The following GRM7 variants were observed in gnomAD, a reference collection of about 807,000 sequenced individuals.
GRM7 encodes the protein metabotropic glutamate receptor 7.
In GRM7, 35 loss-of-function variants were observed where a neutral mutation model predicts 84.5. The ratio of observed to expected loss-of-function variants is 0.41; its 90% CI spans 0.32 to 0.55. GRM7 has a LOEUF of 0.55. GRM7 is among the 20% of genes least tolerant of loss of function. The pLI is 0.19. For synonymous variants in GRM7, 487 were observed against 455.1 expected (o/e 1.07, Z -0.89); for missense variants, 1,003 against 1,194.6 (o/e 0.84, Z 2.36).
chr3:7,469,973 A>ACTTAT (rs1261216147), intron 7 of GRM7, among the ~76,000 whole-genome samples: 3 of 152,124 alleles, frequency 2.0e-5, no homozygotes. Flanking sequence ...AATGTTTTTG[A>ACTTAT]CTTATCTTTA....
At chr3:7,064,505 C>CACATACACATATATATATATACACATAT (rs1553612672) in intron 1 of GRM7, among the ~76,000 whole-genome samples, 1 of 101,008 alleles carries the variant, frequency 9.9e-6, no homozygotes, top group African/African-American at 3.8e-5. Context: ...TATATATACA[C>CACATACACATATATATATATACACATAT]ATATATATAT....
At chr3:7,365,378 C>T (rs1166450560) in intron 4 of GRM7, among the ~76,000 whole-genome samples, 1 of 151,692 alleles carries the variant, frequency 6.6e-6, no homozygotes, top group Non-Finnish European at 1.5e-5. Flanking sequence ...ACAGTCTCTC[C>T]ATCTCCATGC....
intron 4 of GRM7, among the ~76,000 whole-genome samples, chr3:7,384,127 C>G (rs1030048833): frequency 1.4e-4 from 22 of 152,146 alleles, no homozygotes; most frequent in African/African-American, 4.8e-4. Flanking sequence ...CTCCCGGGTT[C>G]AAGCGATTCT....
chr3:7,580,644 C>T (rs1456193061), intron 8 of GRM7, among the ~76,000 whole-genome samples: 1 of 152,118 alleles, frequency 6.6e-6, no homozygotes, highest in Non-Finnish European at 1.5e-5. Flanking sequence ...GTAAATATTT[C>T]ATGAAACCAC....
intron 4 of GRM7, among the ~76,000 whole-genome samples, chr3:7,327,894 A>G (rs1701047749): frequency 6.6e-6 from 1 of 152,250 alleles, no homozygotes; most frequent in Non-Finnish European, 1.5e-5. Flanking sequence ...ATTCTAAATA[A>G]TGTATCAGAA....
chr3:7,350,943 T>A (rs1306202612), intron 4 of GRM7, among the ~76,000 whole-genome samples: 1 of 152,008 alleles, frequency 6.6e-6, no homozygotes, highest in African/African-American at 2.4e-5. Context: ...ATCTCTGAGG[T>A]CTGTAGAAGA....
chr3:7,407,148 A>G (rs931614164), intron 4 of GRM7, among the ~76,000 whole-genome samples: 1 of 152,288 alleles, frequency 6.6e-6, no homozygotes, highest in East Asian at 1.9e-4. Flanking sequence ...TTTAATCACT[A>G]AGGCAGGGGT....
At chr3:7,462,863 C>T (rs1290508003) in intron 7 of GRM7, among the ~76,000 whole-genome samples, 7 of 152,028 alleles carry the variant, frequency 4.6e-5, no homozygotes, top group Non-Finnish European at 8.8e-5. Flanking sequence ...CAACAGGTAC[C>T]GTCCATGGCT....
chr3:7,377,063 C>A (rs1354254175), intron 4 of GRM7, among the ~76,000 whole-genome samples: 1 of 152,152 alleles, frequency 6.6e-6, no homozygotes, highest in African/African-American at 2.4e-5. Flanking sequence ...AGAAAAAAAT[C>A]AATTATTGAA....
chr3:6,977,059 A>G (rs957487018), intron 1 of GRM7, among the ~76,000 whole-genome samples: 3 of 152,166 alleles, frequency 2.0e-5, no homozygotes, highest in African/African-American at 7.2e-5. Flanking sequence ...ACTGCTGGCC[A>G]TTTATTGATT....
intron 4 of GRM7, among the ~76,000 whole-genome samples, chr3:7,324,829 A>C (rs1700922781): frequency 6.6e-6 from 1 of 151,976 alleles, no homozygotes; most frequent in African/African-American, 2.4e-5. Context: ...AATATCAGCA[A>C]ATTCTCTTGT....
intron 9 of GRM7, among the ~76,000 whole-genome samples, chr3:7,706,258 A>G (rs758059566): frequency 6.6e-6 from 1 of 152,208 alleles, no homozygotes; most frequent in Non-Finnish European, 1.5e-5. Flanking sequence ...ACTATGGAGT[A>G]GAGTGAAATT....
intron 1 of GRM7, among the ~76,000 whole-genome samples, chr3:7,130,974 C>T (rs146007554): frequency 6.6e-6 from 1 of 152,160 alleles, no homozygotes; most frequent in Admixed American, 6.5e-5. Context: ...CACACGTGCG[C>T]AAGGAATTAT....
intron 8 of GRM7, among the ~76,000 whole-genome samples, chr3:7,598,351 T>A (rs1696148660): frequency 6.6e-6 from 1 of 152,128 alleles, no homozygotes; most frequent in African/African-American, 2.4e-5. Context: ...GAGGAGCACA[T>A]GGATATCTGG....
intron 9 of GRM7, among the ~76,000 whole-genome samples, chr3:7,722,218 C>G (rs1009881134): frequency 2.0e-5 from 3 of 152,158 alleles, no homozygotes; most frequent in African/African-American, 7.2e-5. Context: ...GAGAAATTTT[C>G]CATATGCATT....
At chr3:7,545,543 T>C (rs1267145302) in intron 7 of GRM7, among the ~76,000 whole-genome samples, 1 of 152,242 alleles carries the variant, frequency 6.6e-6, no homozygotes, top group Non-Finnish European at 1.5e-5. Context: ...TAGTGGCTTA[T>C]TCAGCTTGTT....
intron 7 of GRM7, among the ~76,000 whole-genome samples, chr3:7,474,079 G>C (rs528067080): frequency 5.2e-4 from 79 of 152,234 alleles, no homozygotes; most frequent in African/African-American, 1.8e-3. Context: ...GTGAGGGGCT[G>C]TTTGGTGTCA....
chr3:7,391,035 A>AT (rs940105909), intron 4 of GRM7, among the ~76,000 whole-genome samples: 6 of 144,792 alleles, frequency 4.1e-5, no homozygotes, highest in Non-Finnish European at 7.6e-5. Context: ...TGGCTTCTTG[A>AT]TTTTTTTTTC....
At chr3:7,698,678 G>T (rs1409344210) in intron 9 of GRM7, among the ~76,000 whole-genome samples, 1 of 152,160 alleles carries the variant, frequency 6.6e-6, no homozygotes, top group African/African-American at 2.4e-5. Flanking sequence ...GCAGTGGGCT[G>T]TCCTCTGCAT....
Sources: allele counts gnomAD v4.1 joint callset (sites outside exome capture counted in the v4.1 genomes callset), GRCh38; gene constraint gnomAD v4.1.1; transcripts MANE v1.5; gene names NCBI Gene and HGNC (gene_info 2026-07-23, HGNC 2026-07-21).